The following SORCS3 variants were observed in gnomAD, a reference collection of about 807,000 sequenced individuals.
The protein encoded by SORCS3 is VPS10 domain-containing receptor SorCS3.
SORCS3 carries 57 observed loss-of-function variants against 146.3 expected under a neutral mutation model. That is an observed-to-expected ratio of 0.39 (90% confidence interval 0.31 to 0.49). The LOEUF (loss-of-function observed/expected upper bound fraction) is 0.49, where lower values mean the gene tolerates loss of function less well. SORCS3 is among the 20% of genes least tolerant of loss of function. SORCS3 has a pLI of 0.92. For synonymous variants in SORCS3, 653 were observed against 618.5 expected, an observed-to-expected ratio of 1.06 and a Z score of -0.83; for missense variants, 1,341 against 1,575.5, an observed-to-expected ratio of 0.85 and a Z score of 2.52.
intron 16 of SORCS3, among the ~76,000 whole-genome samples, chr10:105,202,649 T>C (rs2119619923): frequency 6.6e-6 from 1 of 152,300 alleles, no homozygotes; most frequent in Non-Finnish European, 1.5e-5. Flanking sequence ...ATGCAGGAGT[T>C]TTAGACTTTC....
Position 104,842,804 on chromosome 10 carries a change from C to T in SORCS3, c.640C>T (p.Leu214=). 6.2e-7 allele frequency: 1 copy of T among 1,613,830 alleles called. No homozygotes were observed. Among genetic ancestry groups the T allele is most frequent in the Non-Finnish European group, 8.5e-7 (1 of 1,179,828 alleles). The stretch of plus-strand genomic sequence containing the variant: ...CAACCCCTTGCAGGTCATACTTATC[C>T]TGACGAAGCTGTATGACTTCAACCT... ...SGHNSSVILI[L]TKLYDFNLGS... The change falls in exon 2 of 27, where the codon CTG becomes TTG. Residue 214 remains leucine, a synonymous_variant. Transcript: ENST00000369701.
chr10:105,158,459 C>T (rs1245539978), intron 10 of SORCS3, among the ~76,000 whole-genome samples: 2 of 152,158 alleles, frequency 1.3e-5, no homozygotes, highest in African/African-American at 2.4e-5. Context: ...GAGGGCCTGG[C>T]CTAGTTCACA....
intron 1 of SORCS3, among the ~76,000 whole-genome samples, chr10:104,798,027 T>TTA (rs2017577944): frequency 6.6e-6 from 1 of 152,260 alleles, no homozygotes; most frequent in East Asian, 1.9e-4. Context: ...TGGTGCATAA[T>TTA]CCCATAAGGT....
At chr10:104,916,360 AT>A (rs1430520293) in intron 3 of SORCS3, among the ~76,000 whole-genome samples, 1 of 152,116 alleles carries the variant, frequency 6.6e-6, no homozygotes, top group Non-Finnish European at 1.5e-5. Flanking sequence ...TTGCTGGTAC[AT>A]TTTTTGAGAA....
chr10:105,089,160 G>T (rs2055683951), intron 5 of SORCS3, among the ~76,000 whole-genome samples: 1 of 152,152 alleles, frequency 6.6e-6, no homozygotes, highest in Admixed American at 6.5e-5. Flanking sequence ...AGACCTTTAA[G>T]GTTTTCCATC....
chr10:104,940,224 ATATATATATATATAT>A (rs1487987266), intron 3 of SORCS3, among the ~76,000 whole-genome samples: 47 of 25,858 alleles, frequency 1.8e-3, no homozygotes, highest in African/African-American at 4.1e-3. Context: ...ATATATATAT[ATATATATATATATAT>A]TTTTTTTTTT....
chr10:104,679,457 A>G (rs528136348), intron 1 of SORCS3, among the ~76,000 whole-genome samples: 2 of 152,202 alleles, frequency 1.3e-5, no homozygotes, highest in Non-Finnish European at 2.9e-5. Flanking sequence ...ATTGAAGGAA[A>G]CATACTCACA....
intron 3 of SORCS3, among the ~76,000 whole-genome samples, chr10:104,924,274 G>A (rs2019116912): frequency 6.6e-6 from 1 of 152,200 alleles, no homozygotes; most frequent in African/African-American, 2.4e-5. Flanking sequence ...GGCGGGAGCA[G>A]TTTACAGACT....
At chr10:105,089,643 G>T (rs2055687615) in intron 5 of SORCS3, 132 bp from the exon 6 acceptor site, 1 of 703,408 alleles carries the variant, frequency 1.4e-6, no homozygotes. Context: ...ACATTCTGCT[G>T]GTTCCCATAC....
At chr10:105,223,297 C>T (rs1346379077) in intron 20 of SORCS3, 48 bp downstream of exon 20, 4 of 1,523,902 alleles carry the variant, frequency 2.6e-6, no homozygotes, top group Admixed American at 3.9e-5. Context: ...ACTGAATGCT[C>T]CTATGTTCCA....
At chr10:104,808,420 G>A (rs1466019810) in intron 1 of SORCS3, among the ~76,000 whole-genome samples, 2 of 152,152 alleles carry the variant, frequency 1.3e-5, no homozygotes, top group Admixed American at 6.5e-5. Flanking sequence ...CACAGAGATA[G>A]CATGAAAAGG....
intron 1 of SORCS3, among the ~76,000 whole-genome samples, chr10:104,700,374 A>G (rs1235233418): frequency 1.3e-5 from 2 of 151,996 alleles, no homozygotes; most frequent in East Asian, 3.9e-4. Context: ...TGCTTTCCTC[A>G]TTGTTAGTTT....
chr10:105,071,988 G>A (rs527911670), intron 5 of SORCS3, among the ~76,000 whole-genome samples: 1 of 152,126 alleles, frequency 6.6e-6, no homozygotes. Context: ...TGGGTCTCTT[G>A]GTGTAAAGAC....
chr10:105,233,920 T>C (rs1185802206), intron 20 of SORCS3, among the ~76,000 whole-genome samples: 1 of 152,232 alleles, frequency 6.6e-6, no homozygotes. Flanking sequence ...TTTGGGTATA[T>C]ACCCAGTAAT....
chr10:104,894,130 T>C (rs1035603406), intron 2 of SORCS3, among the ~76,000 whole-genome samples: 4 of 152,226 alleles, frequency 2.6e-5, no homozygotes, highest in African/African-American at 9.6e-5. Context: ...ATCTCCTTTC[T>C]TCTCTCCACC....
At chr10:104,746,360 T>C (rs889119067) in intron 1 of SORCS3, among the ~76,000 whole-genome samples, 6 of 152,110 alleles carry the variant, frequency 3.9e-5, no homozygotes, top group East Asian at 1.9e-4. Context: ...ATGGTCTCGA[T>C]CTCCTGACCT....
At chr10:104,875,739 G>T (rs1370466448) in intron 2 of SORCS3, among the ~76,000 whole-genome samples, 1 of 152,076 alleles carries the variant, frequency 6.6e-6, no homozygotes, top group African/African-American at 2.4e-5. Context: ...TGGTCTCATG[G>T]GCTCAATGGT....
At chr10:105,209,983 C>T (rs951322382) in intron 16 of SORCS3, among the ~76,000 whole-genome samples, 11 of 152,090 alleles carry the variant, frequency 7.2e-5, no homozygotes, top group African/African-American at 1.7e-4. Context: ...TTTGAGGACA[C>T]GGATTATCAC....
At chr10:104,752,377 T>C (rs2016999036) in intron 1 of SORCS3, among the ~76,000 whole-genome samples, 1 of 152,032 alleles carries the variant, frequency 6.6e-6, no homozygotes, top group South Asian at 2.1e-4. Flanking sequence ...GAGAGATCAT[T>C]TTGGAGCATG....
Sources: gnomAD v4.1 joint callset for allele counts (sites outside exome capture counted in the v4.1 genomes callset) on GRCh38, gnomAD v4.1.1 for gene constraint, MANE v1.5 for transcripts, NCBI Gene and HGNC (gene_info 2026-07-23, HGNC 2026-07-21) for gene names.